GFRA1: variants seen among roughly 807,000 people sequenced by gnomAD.
GFRA1 encodes GDNF family receptor alpha 1, also known as GDNF family receptor alpha-1.
A neutral mutation model predicts 51.6 loss-of-function variants in GFRA1; 16 were observed. That is an observed-to-expected ratio of 0.31 (90% CI 0.21 to 0.47). The LOEUF (loss-of-function observed/expected upper bound fraction) is 0.47. Ranked by LOEUF, GFRA1 falls within the 20% of genes least tolerant of loss-of-function variation. The probability of loss-of-function intolerance (pLI) is 1.00; values close to 1 mark genes in which losing one functional copy is unlikely to be tolerated. For synonymous variants in GFRA1, 270 were observed against 241.3 expected, an observed-to-expected ratio of 1.12 and a Z score of -1.10; for missense variants, 530 against 594.3, an observed-to-expected ratio of 0.89 and a Z score of 1.13.
chr10:116,084,741 G>T (rs1374120505), intron 9 of GFRA1, among the ~76,000 whole-genome samples: 1 of 147,440 alleles, frequency 6.8e-6, no homozygotes, highest in Non-Finnish European at 1.5e-5. Context: ...ACGTTCCAAA[G>T]ATATTTACTT....
chr10:116,172,249 C>T (rs1961101342), intron 5 of GFRA1, among the ~76,000 whole-genome samples: 1 of 152,112 alleles, frequency 6.6e-6, no homozygotes, highest in South Asian at 2.1e-4. Flanking sequence ...ACAACTGACA[C>T]ACTAGACATT....
intron 5 of GFRA1, among the ~76,000 whole-genome samples, chr10:116,177,326 T>C (rs1565629861): frequency 6.6e-6 from 1 of 152,042 alleles, no homozygotes; most frequent in Non-Finnish European, 1.5e-5. Context: ...GCTTATGCAA[T>C]GGTCTAGGCA....
intron 4 of GFRA1, among the ~76,000 whole-genome samples, chr10:116,212,523 A>AACACACACACACAC (rs71010072): frequency 6.3e-5 from 9 of 142,608 alleles, no homozygotes; most frequent in African/African-American, 1.8e-4. Flanking sequence ...TCCGTCTCAA[A>AACACACACACACAC]ACACACACAC....
chr10:116,212,282 G>A (rs12262109), intron 4 of GFRA1, among the ~76,000 whole-genome samples: 1,698 of 152,148 alleles, frequency 0.011, 14 homozygotes, highest in Middle Eastern at 0.031. Flanking sequence ...CACTTTGAGA[G>A]GCTGAGGCAG....
chr10:116,253,293 C>G (rs1277396314), intron 4 of GFRA1, among the ~76,000 whole-genome samples: 1 of 152,220 alleles, frequency 6.6e-6, no homozygotes, highest in Non-Finnish European at 1.5e-5. Context: ...GTCCAGTCAG[C>G]CAGGGCAGGC....
At position 116,064,561 on chromosome 10, in the gene GFRA1, T is replaced by C; in HGVS notation, c.1252-17A>G. ...ATAATTACCCTGTAAGGAAGAATGGTTTCATTATCATCCACTGCATGTCTT... is the reference window on the plus strand; with the variant it reads ...ATAATTACCCTGTAAGGAAGAATGGCTTCATTATCATCCACTGCATGTCTT... On this transcript the variant is annotated splice_polypyrimidine_tract_variant and intron_variant, in intron 10 of 10. Coordinates refer to ENST00000355422, the MANE Select transcript of GFRA1 (RefSeq NM_005264.8). The C allele has an allele frequency of 1.2e-6, 2 of 1,606,770 alleles. No homozygotes were observed. Among genetic ancestry groups the C allele is most frequent in the Non-Finnish European group, 1.7e-6 (2 of 1,173,802 alleles).
At chr10:116,167,712 A>G (rs1589839733) in intron 5 of GFRA1, among the ~76,000 whole-genome samples, 1 of 152,282 alleles carries the variant, frequency 6.6e-6, no homozygotes, top group South Asian at 2.1e-4. Context: ...CCAACCTTAG[A>G]TACTCTCAAG....
At chr10:116,145,174 A>AAAATT (rs1958745483) in intron 5 of GFRA1, among the ~76,000 whole-genome samples, 1 of 144,040 alleles carries the variant, frequency 6.9e-6, no homozygotes. Flanking sequence ...AAAAAAAAAG[A>AAAATT]TTAAAAACTT....
intron 5 of GFRA1, among the ~76,000 whole-genome samples, chr10:116,208,473 G>A (rs1028218788): frequency 1.3e-5 from 2 of 152,078 alleles, no homozygotes; most frequent in African/African-American, 4.8e-5. Context: ...CTGTGTTTGA[G>A]GGGTATGGCA....
At position 116,146,227 on chromosome 10, in the gene GFRA1, G is replaced by A. The variant is rs138679368; in HGVS notation, c.434-20670C>T. Among the ~76,000 whole-genome samples, 564 of 152,208 alleles carry A rather than the reference G, an allele frequency of 3.7e-3. 2 individuals are homozygous for A. The highest frequency in any genetic ancestry group is 0.013 in the African/African-American group (548 of 41,548). Reference sequence around the variant, plus strand: ...TATCTGAGCAGATCCCAGGTTTTGTGGGGATAGAAGCATTTACAATTTAGG... The same window carrying A: ...TATCTGAGCAGATCCCAGGTTTTGTAGGGATAGAAGCATTTACAATTTAGG... On this transcript the variant is annotated intron_variant, in intron 5 of 10. Coordinates refer to ENST00000355422, the MANE Select transcript of GFRA1 (RefSeq NM_005264.8).
intron 4 of GFRA1, among the ~76,000 whole-genome samples, chr10:116,263,840 G>A (rs1422291545): frequency 6.6e-6 from 1 of 152,186 alleles, no homozygotes; most frequent in Non-Finnish European, 1.5e-5. Context: ...TCAAAAGACA[G>A]CAGGTAATTT....
chr10:116,172,871 T>G lies in GFRA1; in HGVS notation c.433+38760A>C, dbSNP rs569651074. ...TTGCACTTTGGAACATCTCTGGCAGTCATGGGGAGGTAGGTCTAAGAAAAT... is the reference window on the plus strand; with the variant it reads ...TTGCACTTTGGAACATCTCTGGCAGGCATGGGGAGGTAGGTCTAAGAAAAT... On this transcript the variant is annotated intron_variant, in intron 5 of 10. Transcript: ENST00000355422. Among the ~76,000 whole-genome samples the G allele has an allele frequency of 1.6e-3, 248 of 152,196 alleles. 1 individual carries two copies. Among genetic ancestry groups the G allele is most frequent in the African/African-American group, 5.6e-3 (234 of 41,550 alleles).
At chr10:116,218,891 C>T in intron 4 of GFRA1, among the ~76,000 whole-genome samples, 1 of 152,324 alleles carries the variant, frequency 6.6e-6, no homozygotes, top group East Asian at 1.9e-4. Flanking sequence ...TTCATTGCTG[C>T]TGGCCTCCCT....
intron 4 of GFRA1, among the ~76,000 whole-genome samples, chr10:116,224,053 G>T (rs900148117): frequency 1.3e-5 from 2 of 152,148 alleles, no homozygotes; most frequent in African/African-American, 4.8e-5. Context: ...AATCGAACCT[G>T]CTGGCTCCTC....
chr10:116,060,180 C>T lies in GFRA1; in HGVS notation c.*4218G>A, dbSNP rs1353033013. ...CCCACAAAGAATTCTAGACAACAGA[C>T]TTAAAACAAATGGTCACTTGAGAAG... On this transcript the variant is annotated 3_prime_UTR_variant, in exon 11 of 11. Coordinates refer to ENST00000355422, the MANE Select transcript of GFRA1 (RefSeq NM_005264.8). 1.3e-5 allele frequency: 2 copies of T among 152,160 alleles called. No individual in the cohort carries two copies. Among genetic ancestry groups the T allele is most frequent in the African/African-American group, 4.8e-5 (2 of 41,440 alleles). 9.4% of individuals were successfully genotyped at this position (152,160 alleles called of 1,614,324 possible).
chr10:116,067,483 C>G (rs201193353), intron 9 of GFRA1, among the ~76,000 whole-genome samples: 1 of 152,210 alleles, frequency 6.6e-6, no homozygotes, highest in Non-Finnish European at 1.5e-5. Flanking sequence ...CAAGTTGCGC[C>G]TGAGTGTCCT....
intron 5 of GFRA1, among the ~76,000 whole-genome samples, chr10:116,166,960 C>A (rs767971078): frequency 2.0e-5 from 3 of 151,628 alleles, no homozygotes. Context: ...CCTCCACACC[C>A]GGCTAATTTT....
chr10:116,172,236 A>C (rs1475917697), intron 5 of GFRA1, among the ~76,000 whole-genome samples: 1 of 152,136 alleles, frequency 6.6e-6, no homozygotes, highest in African/African-American at 2.4e-5. Flanking sequence ...CCGTTTGCTC[A>C]CGACAACTGA....
intron 4 of GFRA1, among the ~76,000 whole-genome samples, chr10:116,240,583 GC>G (rs1967277456): frequency 1.3e-5 from 2 of 152,158 alleles, no homozygotes; most frequent in Non-Finnish European, 2.9e-5. Flanking sequence ...TGAAACGAAG[GC>G]CCTTAAATAT....
Sources: gnomAD v4.1 joint callset for allele counts (sites outside exome capture counted in the v4.1 genomes callset) on GRCh38, gnomAD v4.1.1 for gene constraint, MANE v1.5 for transcripts, NCBI Gene and HGNC (gene_info 2026-07-23, HGNC 2026-07-21) for gene names.